CNTN4: variants seen among roughly 807,000 people sequenced by gnomAD.
The protein encoded by CNTN4 is contactin 4.
A neutral mutation model predicts 122.5 loss-of-function variants in CNTN4; 77 were observed. That is an observed-to-expected ratio of 0.63 (90% CI 0.52 to 0.76). CNTN4 has a LOEUF of 0.76. Ranked by LOEUF, CNTN4 falls within the 30% of genes least tolerant of loss-of-function variation. CNTN4 has a pLI of 0.00. For missense variants in CNTN4, 1,256 were observed against 1,259.1 expected (o/e 1.00, Z 0.04); for synonymous variants, 512 against 447.0 (o/e 1.15, Z -1.83).
chr3:2,466,422 G>C (rs2151468900), intron 3 of CNTN4, among the ~76,000 whole-genome samples: 1 of 152,228 alleles, frequency 6.6e-6, no homozygotes. Context: ...AGAATAATAA[G>C]ATTAGAACCC....
chr3:2,665,695 A>C (rs894923889), intron 4 of CNTN4, among the ~76,000 whole-genome samples: 3 of 152,172 alleles, frequency 2.0e-5, no homozygotes, highest in Non-Finnish European at 4.4e-5. Context: ...TCAGGAGAGA[A>C]TATAAGGGTA....
At chr3:2,194,881 C>G (rs1490442129) in intron 2 of CNTN4, among the ~76,000 whole-genome samples, 1 of 152,148 alleles carries the variant, frequency 6.6e-6, no homozygotes, top group Non-Finnish European at 1.5e-5. Flanking sequence ...AGACTTCTAG[C>G]CTCTGGAACT....
At chr3:2,933,811 G>A (rs1456717877) in intron 13 of CNTN4, among the ~76,000 whole-genome samples, 1 of 152,190 alleles carries the variant, frequency 6.6e-6, no homozygotes, top group Non-Finnish European at 1.5e-5. Flanking sequence ...CAGAGATACA[G>A]ACATCAGTAG....
chr3:2,199,502 A>T (rs779997613), intron 2 of CNTN4, among the ~76,000 whole-genome samples: 75 of 152,254 alleles, frequency 4.9e-4, no homozygotes, highest in South Asian at 1.0e-3. Flanking sequence ...AGAATGAAAC[A>T]CCTGGATTCT....
intron 2 of CNTN4, among the ~76,000 whole-genome samples, chr3:2,315,628 A>G (rs1251791408): frequency 6.6e-6 from 1 of 152,024 alleles, no homozygotes. Flanking sequence ...ATGTTGAGAC[A>G]CCCTGAACTG....
At chr3:2,114,850 C>G (rs1341588139) in intron 2 of CNTN4, among the ~76,000 whole-genome samples, 3 of 152,202 alleles carry the variant, frequency 2.0e-5, no homozygotes, top group Non-Finnish European at 4.4e-5. Context: ...CCGTGTTTCT[C>G]TCTTGTGAGT....
At chr3:3,022,800 T>C (rs1374386310) in intron 14 of CNTN4, among the ~76,000 whole-genome samples, 1 of 152,184 alleles carries the variant, frequency 6.6e-6, no homozygotes, top group Non-Finnish European at 1.5e-5. Context: ...CCTCTGGAGT[T>C]CAGAATTTAT....
intron 2 of CNTN4, among the ~76,000 whole-genome samples, chr3:2,268,452 T>A (rs1484333748): frequency 6.6e-6 from 1 of 151,480 alleles, no homozygotes; most frequent in Non-Finnish European, 1.5e-5. Context: ...CCCCAGTTAC[T>A]GCCACTAAAT....
chr3:2,404,017 T>A (rs550069750), intron 3 of CNTN4, among the ~76,000 whole-genome samples: 1 of 152,202 alleles, frequency 6.6e-6, no homozygotes, highest in Non-Finnish European at 1.5e-5. Context: ...ATCAGACATT[T>A]GTGATTTCTA....
At chr3:2,687,056 G>C (rs755659152) in intron 4 of CNTN4, among the ~76,000 whole-genome samples, 7 of 152,148 alleles carry the variant, frequency 4.6e-5, no homozygotes, top group Non-Finnish European at 8.8e-5. Flanking sequence ...CTTGGTCTGT[G>C]AAAAGGGCAG....
intron 3 of CNTN4, among the ~76,000 whole-genome samples, chr3:2,554,189 T>G (rs1005523496): frequency 2.0e-5 from 3 of 152,180 alleles, no homozygotes; most frequent in Non-Finnish European, 2.9e-5. Flanking sequence ...TTTGCTAAAA[T>G]TTCTGGCATG....
At position 2,223,822 on chromosome 3, in the gene CNTN4, G is replaced by GA. The variant is rs569977509; in HGVS notation, c.-144-115349dup. Among the ~76,000 whole-genome samples, 4 of 152,032 alleles carry GA rather than the reference G, an allele frequency of 2.6e-5. No individual in the cohort carries two copies. In the South Asian group the frequency reaches 8.3e-4, roughly 32 times the overall value. The stretch of plus-strand genomic sequence containing the variant: ...CTTTGACACAAGGCTGGTTAACAGA[G>GA]AAAAAAACCCTAATTACATATGTAA... On this transcript the variant is annotated intron_variant, in intron 2 of 24. Coordinates refer to ENST00000418658, the MANE Select transcript of CNTN4 (RefSeq NM_175607.3).
At chr3:2,325,108 T>C (rs2043406989) in intron 2 of CNTN4, among the ~76,000 whole-genome samples, 1 of 152,218 alleles carries the variant, frequency 6.6e-6, no homozygotes, top group African/African-American at 2.4e-5. Flanking sequence ...AAGAAGGTAT[T>C]TGCCTTTGTC....
chr3:2,641,479 G>A (rs1299564324), intron 4 of CNTN4, among the ~76,000 whole-genome samples: 2 of 152,048 alleles, frequency 1.3e-5, no homozygotes, highest in Non-Finnish European at 2.9e-5. Flanking sequence ...AATCTTATAA[G>A]TCAACTAAAT....
intron 13 of CNTN4, among the ~76,000 whole-genome samples, chr3:2,927,904 C>T (rs570662742): frequency 3.3e-5 from 5 of 152,328 alleles, no homozygotes; most frequent in African/African-American, 1.2e-4. Flanking sequence ...TTATTCTCCA[C>T]ATGAGTGCTG....
intron 13 of CNTN4, among the ~76,000 whole-genome samples, chr3:2,978,295 C>T (rs1693618417): frequency 6.6e-6 from 1 of 152,178 alleles, no homozygotes; most frequent in African/African-American, 2.4e-5. Context: ...GGCCTCATAA[C>T]CACAGGCTAC....
chr3:2,387,758 G>A lies in CNTN4; in HGVS notation c.-89+48525G>A, dbSNP rs972278293. 2.6e-5 allele frequency among the ~76,000 whole-genome samples: 4 copies of A among 152,192 alleles called. No individual in the cohort carries two copies. The East Asian group carries it at 5.8e-4, about 22-fold the overall frequency. ...TTTTCCTGCAAGAGTTGAGACACTG[G>A]TTTTAAGGGATACACTTCCATTATT... On this transcript the variant is annotated intron_variant, in intron 3 of 24. Transcript: ENST00000418658.
intron 14 of CNTN4, chr3:2,989,111 T>C (rs1694838657): frequency 6.6e-6 from 1 of 152,618 alleles, no homozygotes; most frequent in Non-Finnish European, 1.5e-5. Context: ...ATTAGCTTCA[T>C]GGCATGGGCT....
At chr3:2,521,260 G>C (rs186165658) in intron 3 of CNTN4, among the ~76,000 whole-genome samples, 17 of 151,984 alleles carry the variant, frequency 1.1e-4, no homozygotes, top group African/African-American at 4.1e-4. Context: ...TTTGAAGATA[G>C]GATTTTGTAA....
Sources: gnomAD v4.1 joint callset for allele counts (sites outside exome capture counted in the v4.1 genomes callset) on GRCh38, gnomAD v4.1.1 for gene constraint, MANE v1.5 for transcripts, NCBI Gene and HGNC (gene_info 2026-07-23, HGNC 2026-07-21) for gene names.